NBEA: variants seen among roughly 807,000 people sequenced by gnomAD.
NBEA encodes neurobeachin.
In NBEA, 44 loss-of-function variants were observed where a neutral mutation model predicts 343.4. The ratio of observed to expected loss-of-function variants is 0.13; its 90% CI spans 0.10 to 0.16. The LOEUF (loss-of-function observed/expected upper bound fraction) is 0.16. Among genes scored for constraint, NBEA ranks in the 10% least tolerant of loss-of-function variants. The probability of loss-of-function intolerance (pLI) is 1.00; values close to 1 mark genes in which losing one functional copy is unlikely to be tolerated. For missense variants in NBEA, 2,555 were observed against 3,631.3 expected (o/e 0.70, Z 7.62); for synonymous variants, 1,175 against 1,238.7 (o/e 0.95, Z 1.08).
At chr13:35,564,897 A>T (rs2153024492) in intron 44 of NBEA, among the ~76,000 whole-genome samples, 1 of 152,236 alleles carries the variant, frequency 6.6e-6, no homozygotes, top group Admixed American at 6.5e-5. Flanking sequence ...ATTTTATTCC[A>T]TTTTTATCAC....
At chr13:35,065,187 T>G (rs1240851602) in intron 8 of NBEA, among the ~76,000 whole-genome samples, 1 of 151,996 alleles carries the variant, frequency 6.6e-6, no homozygotes, top group Non-Finnish European at 1.5e-5. Context: ...TTGATACTAG[T>G]TTGTAAGGGG....
chr13:35,606,175 A>G (rs896921579), intron 47 of NBEA, among the ~76,000 whole-genome samples: 2 of 152,144 alleles, frequency 1.3e-5, no homozygotes, highest in African/African-American at 4.8e-5. Context: ...ATGGGAGGAT[A>G]AGATTGAAAA....
rs1337936901 is a variant in NBEA, at chr13:35,109,381, T to C, written c.1772T>C (p.Leu591Pro). The C allele has an allele frequency of 6.2e-7, 1 of 1,612,634 alleles. No individual in the cohort carries two copies. The stretch of plus-strand genomic sequence containing the variant: ...GGTTTATCTCATGGAGCACCTTTGC[T>C]GAAGCAGCTTTGTGATCACATTTTA... ...LDGLSHGAPL[L>P]KQLCDHILFN... The change falls in exon 12 of 59, where the codon CTG becomes CCG. Residue 591 changes from leucine to proline, a missense_variant. Physicochemically the swap from Leu to Pro is moderately conservative, Grantham distance 98. Transcript: ENST00000379939.
intron 34 of NBEA, among the ~76,000 whole-genome samples, chr13:35,257,484 G>T (rs964628418): frequency 1.3e-5 from 2 of 152,076 alleles, no homozygotes; most frequent in African/African-American, 4.8e-5. Flanking sequence ...CAATGTAAAT[G>T]ACTACTATGG....
chr13:35,086,991 G>T (rs1402719897), intron 10 of NBEA, among the ~76,000 whole-genome samples: 2 of 151,286 alleles, frequency 1.3e-5, no homozygotes, highest in Non-Finnish European at 3.0e-5. Context: ...TTTTAATGGG[G>T]TTATTTTTTT....
intron 1 of NBEA, among the ~76,000 whole-genome samples, chr13:34,975,287 A>G (rs1051557823): frequency 2.8e-4 from 42 of 152,336 alleles, no homozygotes; most frequent in Middle Eastern, 6.8e-3. Flanking sequence ...ATGGAACAGA[A>G]TAGAGAACCC....
intron 45 of NBEA, among the ~76,000 whole-genome samples, chr13:35,581,449 G>A (rs1249533442): frequency 1.5e-4 from 23 of 151,690 alleles, no homozygotes; most frequent in Admixed American, 3.3e-4. Flanking sequence ...CATGTCCTTC[G>A]CCCACTTTTT....
At chr13:35,533,784 G>A (rs2078389877) in intron 41 of NBEA, among the ~76,000 whole-genome samples, 2 of 152,164 alleles carry the variant, frequency 1.3e-5, no homozygotes, top group East Asian at 1.9e-4. Flanking sequence ...TATTGGAGAA[G>A]CATACACTGG....
intron 1 of NBEA, among the ~76,000 whole-genome samples, chr13:34,980,646 G>C (rs1448561514): frequency 1.3e-5 from 2 of 151,922 alleles, no homozygotes; most frequent in East Asian, 3.9e-4. Flanking sequence ...AGTGTTGAAT[G>C]TCGGTGATGA....
intron 10 of NBEA, among the ~76,000 whole-genome samples, chr13:35,076,816 A>G (rs1271744802): frequency 2.0e-5 from 3 of 152,030 alleles, no homozygotes; most frequent in African/African-American, 7.2e-5. Flanking sequence ...TAACAGGAGT[A>G]TTGTTATTTT....
chr13:35,653,550 C>T (rs1406755609), intron 53 of NBEA, among the ~76,000 whole-genome samples: 1 of 152,018 alleles, frequency 6.6e-6, no homozygotes, highest in Non-Finnish European at 1.5e-5. Flanking sequence ...AGGCTGGTCT[C>T]GAACTCCTGA....
chr13:35,506,766 G>A (rs9530647), intron 41 of NBEA, among the ~76,000 whole-genome samples: 20,829 of 151,984 alleles, frequency 0.14, 1,663 homozygotes, highest in East Asian at 0.43. Context: ...CTCAACCTAG[G>A]GCTCGTTTGA....
At chr13:35,595,591 A>G (rs1458127241) in intron 47 of NBEA, among the ~76,000 whole-genome samples, 2 of 152,258 alleles carry the variant, frequency 1.3e-5, no homozygotes, top group South Asian at 2.1e-4. Flanking sequence ...GATTGTTACT[A>G]TGAAGCACAA....
chr13:34,980,977 A>G (rs1178858739), intron 1 of NBEA, among the ~76,000 whole-genome samples: 1 of 152,172 alleles, frequency 6.6e-6, no homozygotes, highest in South Asian at 2.1e-4. Context: ...ATACAATTCA[A>G]TGAATTTTAG....
rs187695861 is a variant in NBEA at position 35,479,058 on chromosome 13, C to A, written c.6585+6522C>A. Among the ~76,000 whole-genome samples, 21 of 152,336 alleles carry A rather than the reference C, an allele frequency of 1.4e-4. No individual in the cohort carries two copies. The East Asian group carries it at 3.9e-3, about 28-fold the overall frequency. On this transcript the variant is annotated intron_variant, in intron 41 of 58. Coordinates refer to ENST00000379939, the MANE Select transcript of NBEA (RefSeq NM_001385012.1). Reference sequence around the variant, plus strand: ...ACTTTGTGCAAACTAATTGGTGCAACCAGCGCCTTTTCACTAACGATTTGC... The same window carrying A: ...ACTTTGTGCAAACTAATTGGTGCAAACAGCGCCTTTTCACTAACGATTTGC...
chr13:34,973,388 G>T (rs1042408189), intron 1 of NBEA, among the ~76,000 whole-genome samples: 1 of 152,044 alleles, frequency 6.6e-6, no homozygotes, highest in Non-Finnish European at 1.5e-5. Context: ...AAACCTAGAG[G>T]CTAGAATGGC....
chr13:35,123,414 A>G (rs2066907190), intron 16 of NBEA, 68 bp from the exon 17 acceptor site: 2 of 762,742 alleles, frequency 2.6e-6, no homozygotes, highest in East Asian at 3.0e-5. Context: ...ATTTATCTGT[A>G]AAGCATGTAG....
At chr13:35,006,204 T>C (rs535768563) in intron 1 of NBEA, among the ~76,000 whole-genome samples, 30 of 152,266 alleles carry the variant, frequency 2.0e-4, no homozygotes, top group African/African-American at 6.7e-4. Context: ...TTTCTTTTTT[T>C]TTCCCACTAC....
intron 39 of NBEA, 81 bp downstream of exon 39, chr13:35,432,474 TC>T: frequency 2.3e-6 from 3 of 1,300,410 alleles, no homozygotes; most frequent in Non-Finnish European, 3.1e-6. Flanking sequence ...TCTTTTTTTT[TC>T]GCTAGTATTT....
Sources: allele counts gnomAD v4.1 joint callset (sites outside exome capture counted in the v4.1 genomes callset), GRCh38; gene constraint gnomAD v4.1.1; transcripts MANE v1.5; gene names NCBI Gene and HGNC (gene_info 2026-07-23, HGNC 2026-07-21).